The following USP10 variants were observed in gnomAD, a reference collection of about 807,000 sequenced individuals.
USP10 encodes the protein ubiquitin carboxyl-terminal hydrolase 10.
A neutral mutation model predicts 84.5 loss-of-function variants in USP10; 22 were observed. The ratio of observed to expected loss-of-function variants is 0.26; its 90% CI spans 0.19 to 0.37. The LOEUF (loss-of-function observed/expected upper bound fraction) is 0.37, where lower values mean the gene tolerates loss of function less well. USP10 is among the 10% of genes least tolerant of loss of function. USP10 has a pLI of 1.00. For missense variants in USP10, 1,019 were observed against 998.9 expected (o/e 1.02, Z -0.27); for synonymous variants, 454 against 387.6 (o/e 1.17, Z -2.01).
chr16:84,715,999 C>T lies in USP10; in HGVS notation c.21+15888C>T, dbSNP rs141570529. On this transcript the variant is annotated intron_variant, in intron 1 of 13. Coordinates refer to ENST00000219473, the MANE Select transcript of USP10 (RefSeq NM_005153.3). ...TTAGGCAGTGTCCTGAGCTTCTTGC[C>T]CTTTGGGTCGTCCCTCAACCAGAGC... is the stretch of plus-strand genomic sequence containing the variant. 8.0e-3 allele frequency among the ~76,000 whole-genome samples: 1,212 copies of T among 152,174 alleles called. 19 individuals are homozygous for T. The highest frequency in any genetic ancestry group is 0.031 in the Middle Eastern group (9 of 294).
chr16:84,725,375 A>ATTTTCT (rs921263477), intron 1 of USP10, among the ~76,000 whole-genome samples: 3 of 152,054 alleles, frequency 2.0e-5, no homozygotes, highest in East Asian at 1.9e-4. Flanking sequence ...GTCTGATGAC[A>ATTTTCT]TTTTCTTTTT....
intron 1 of USP10, among the ~76,000 whole-genome samples, chr16:84,730,686 A>AT (rs1264199333): frequency 6.6e-6 from 1 of 152,108 alleles, no homozygotes; most frequent in Admixed American, 6.6e-5. Context: ...TGCTGCCAAG[A>AT]TTTTTATCAA....
At chr16:84,759,188 C>G in intron 5 of USP10, 175 bp from the exon 6 acceptor site, 1 of 648,504 alleles carries the variant, frequency 1.5e-6, no homozygotes. Flanking sequence ...ATGGACATCA[C>G]AGGACACTTA....
At chr16:84,773,815 C>G (rs531414185) in intron 12 of USP10, among the ~76,000 whole-genome samples, 23 of 152,386 alleles carry the variant, frequency 1.5e-4, no homozygotes, top group African/African-American at 5.3e-4. Context: ...TCCTCGGCCT[C>G]TGCTCCTGCA....
At chr16:84,770,131 A>G (rs1041152607) in intron 11 of USP10, among the ~76,000 whole-genome samples, 1 of 152,132 alleles carries the variant, frequency 6.6e-6, no homozygotes, top group East Asian at 1.9e-4. Flanking sequence ...AAATAAAAAT[A>G]AAGGAAAGCT....
intron 1 of USP10, among the ~76,000 whole-genome samples, chr16:84,730,860 C>G (rs750769183): frequency 6.6e-6 from 1 of 152,100 alleles, no homozygotes; most frequent in Non-Finnish European, 1.5e-5. Flanking sequence ...ACCTGATAAT[C>G]CTGCAGAACA....
chr16:84,745,853 G>A (rs1911168217), intron 4 of USP10, among the ~76,000 whole-genome samples, 180 bp downstream of exon 4: 1 of 152,198 alleles, frequency 6.6e-6, no homozygotes, highest in South Asian at 2.1e-4. Flanking sequence ...ACAAATGGGA[G>A]GAGAGGGTTG....
chr16:84,750,891 C>G (rs1911849615), intron 4 of USP10, among the ~76,000 whole-genome samples: 1 of 152,112 alleles, frequency 6.6e-6, no homozygotes, highest in Non-Finnish European at 1.5e-5. Flanking sequence ...AATTGTTAGT[C>G]AAAACCTGTT....
At chr16:84,765,628 C>G (rs1370575621) in intron 10 of USP10, among the ~76,000 whole-genome samples, 3 of 152,112 alleles carry the variant, frequency 2.0e-5, no homozygotes, top group Non-Finnish European at 4.4e-5. Flanking sequence ...GAATAGTGTT[C>G]CCTTGTCTAT....
In USP10 at chr16:84,759,887, T is replaced by G; in HGVS notation, c.1395-4T>G. On this transcript the variant is annotated splice_region_variant and splice_polypyrimidine_tract_variant and intron_variant, in intron 6 of 13. Coordinates refer to ENST00000219473, the MANE Select transcript of USP10 (RefSeq NM_005153.3). Reference sequence around the variant, plus strand: ...ACTATTTAACATTTTTTCCCCATGTTTAGTGTTCGGCTAATGAATGAGTTC... The same window carrying G: ...ACTATTTAACATTTTTTCCCCATGTGTAGTGTTCGGCTAATGAATGAGTTC... 3 of 1,613,886 alleles carry G rather than the reference T, an allele frequency of 1.9e-6. No individual in the cohort carries two copies. The highest frequency in any genetic ancestry group is 2.5e-6 in the Non-Finnish European group (3 of 1,179,828).
intron 1 of USP10, among the ~76,000 whole-genome samples, chr16:84,700,505 C>T (rs1219723720): frequency 2.0e-5 from 3 of 152,012 alleles, no homozygotes; most frequent in Admixed American, 6.5e-5. Flanking sequence ...GCGCAGGGGC[C>T]CCAGAGCAGC....
At chr16:84,720,830 C>G (rs1210856698) in intron 1 of USP10, among the ~76,000 whole-genome samples, 2 of 151,150 alleles carry the variant, frequency 1.3e-5, no homozygotes, top group African/African-American at 4.9e-5. Flanking sequence ...GATCTGCCCA[C>G]CTCGACGTCG....
intron 2 of USP10, among the ~76,000 whole-genome samples, chr16:84,734,264 TA>T (rs35354296): frequency 2.7e-5 from 4 of 150,700 alleles, no homozygotes; most frequent in African/African-American, 4.9e-5. Context: ...TTGCTCGTAT[TA>T]AAAAAAAAAT....
chr16:84,779,638 CT>C lies in USP10; in HGVS notation c.*557del, dbSNP rs1915363665. 1 of 153,090 alleles carries C rather than the reference CT, an allele frequency of 6.5e-6. No individual in the cohort carries two copies. The highest frequency in any genetic ancestry group is 2.1e-4 in the South Asian group (1 of 4,836). 9.5% of individuals were successfully genotyped at this position (153,090 alleles called of 1,614,324 possible). ...ATTTTAATAATTGTACTGAGAGAAA[CT>C]GCTTACGTACACATTGCAGATCAAA... On this transcript the variant is annotated 3_prime_UTR_variant, in exon 14 of 14. Transcript: ENST00000219473.
chr16:84,778,781 T>C (rs1915279793), intron 13 of USP10, 114 bp from the exon 14 acceptor site: 1 of 1,018,766 alleles, frequency 9.8e-7, no homozygotes, highest in Non-Finnish European at 1.4e-6. Context: ...TCCCACCTGC[T>C]TTGGAGAGGG....
rs772772380 is a variant in USP10, at chr16:84,745,397, A to T, written c.916A>T (p.Thr306Ser). The T allele has an allele frequency of 6.8e-6, 11 of 1,613,452 alleles. No individual in the cohort carries two copies. The South Asian group carries it at 1.2e-4, about 18-fold the overall frequency. The change falls in exon 4 of 14, where the codon ACC (threonine) becomes TCC (serine). Residue 306 changes from threonine to serine, a missense_variant. Transcript: ENST00000219473. Reference protein sequence around the residue: ...GTATNGVELHTTESIDLDPTK... With the variant: ...GTATNGVELHSTESIDLDPTK... Reference sequence around the variant, plus strand: ...AGCTACCAACGGGGTGGAGTTGCACACCACGGAAAGCATAGACTTGGACCC... The same window carrying T: ...AGCTACCAACGGGGTGGAGTTGCACTCCACGGAAAGCATAGACTTGGACCC...
In USP10 at chr16:84,744,772, C is replaced by T; in HGVS notation, c.291C>T (p.Ser97=). The change falls in exon 4 of 14, where the codon TCC becomes TCT. Residue 97 remains serine (S), a synonymous_variant. Transcript: ENST00000219473. ...AATTTATTCTCGGTTGTACAGCTTCCAAAATAACCCCTGATGGTATCACTA... is the reference window on the plus strand; with the variant it reads ...AATTTATTCTCGGTTGTACAGCTTCTAAAATAACCCCTGATGGTATCACTA... ...APEFILGCTA[S]KITPDGITKE... 3 of 1,613,686 alleles carry T rather than the reference C, an allele frequency of 1.9e-6. No homozygotes were observed. The highest frequency in any genetic ancestry group is 1.7e-6 in the Non-Finnish European group (2 of 1,179,706).
At chr16:84,772,134 G>A (rs1199410704) in intron 11 of USP10, among the ~76,000 whole-genome samples, 1 of 151,946 alleles carries the variant, frequency 6.6e-6, no homozygotes. Flanking sequence ...TCACTGCAAC[G>A]TCTACCTCCT....
Position 84,717,476 on chromosome 16 carries a change from T to G in USP10, c.22-15959T>G, listed in dbSNP as rs375620809. On this transcript the variant is annotated intron_variant, in intron 1 of 13. Coordinates refer to ENST00000219473, the MANE Select transcript of USP10 (RefSeq NM_005153.3). Reference sequence around the variant, plus strand: ...AAGGCAGGACACATTGCTTAAACATTTTAAACTGCTTTTTAATGTCCTTTT... The same window carrying G: ...AAGGCAGGACACATTGCTTAAACATGTTAAACTGCTTTTTAATGTCCTTTT... Among the ~76,000 whole-genome samples, 11 of 152,314 alleles carry G rather than the reference T, an allele frequency of 7.2e-5. 1 individual carries two copies. Among genetic ancestry groups the G allele is most frequent in the Admixed American group, 5.9e-4 (9 of 15,306 alleles).
Sources: allele counts gnomAD v4.1 joint callset (sites outside exome capture counted in the v4.1 genomes callset), GRCh38; gene constraint gnomAD v4.1.1; transcripts MANE v1.5; gene names NCBI Gene and HGNC (gene_info 2026-07-23, HGNC 2026-07-21).